The following ZBTB25 variants were observed in gnomAD, a reference collection of about 807,000 sequenced individuals.
ZBTB25 encodes zinc finger and BTB domain containing 25.
A neutral mutation model predicts 34.2 loss-of-function variants in ZBTB25; 20 were observed. The ratio of observed to expected loss-of-function variants is 0.58; its 90% CI spans 0.41 to 0.85. The LOEUF (loss-of-function observed/expected upper bound fraction) is 0.85, where lower values mean the gene tolerates loss of function less well. Among genes scored for constraint, ZBTB25 ranks in the 40% least tolerant of loss-of-function variants. The pLI is 0.00. For missense variants in ZBTB25, 437 were observed against 521.8 expected (o/e 0.84, Z 1.58); for synonymous variants, 175 against 186.4 (o/e 0.94, Z 0.50).
At chr14:64,495,896 G>A (rs1407293120) in intron 1 of ZBTB25, among the ~76,000 whole-genome samples, 4 of 151,506 alleles carry the variant, frequency 2.6e-5, no homozygotes, top group African/African-American at 7.3e-5. Context: ...CAGAGGTTGC[G>A]GTAAGCTGAG....
intron 1 of ZBTB25, among the ~76,000 whole-genome samples, chr14:64,497,279 T>C (rs897468461): frequency 3.9e-5 from 6 of 152,206 alleles, no homozygotes; most frequent in South Asian, 4.1e-4. Flanking sequence ...CCCCATTCCA[T>C]TGAGTTATTA....
At position 64,483,395 on chromosome 14, in the gene ZBTB25, A is replaced by C. The variant is rs2078818207; in HGVS notation, c.*3528T>G. Reference sequence around the variant, plus strand: ...CGGGTTCAAGCTATTCCACTGCCTCAGCCTCTCGAGTAGCTGGGATTACAG... The same window carrying C: ...CGGGTTCAAGCTATTCCACTGCCTCCGCCTCTCGAGTAGCTGGGATTACAG... On this transcript the variant is annotated 3_prime_UTR_variant, in exon 3 of 3. Coordinates refer to ENST00000608382, the MANE Select transcript of ZBTB25 (RefSeq NM_006977.5). 1 of 152,060 alleles carries C rather than the reference A, an allele frequency of 6.6e-6. No individual in the cohort carries two copies. The highest frequency in any genetic ancestry group is 1.5e-5 in the Non-Finnish European group (1 of 68,144). 9.4% of individuals were successfully genotyped at this position (152,060 alleles called of 1,614,324 possible).
intron 2 of ZBTB25, chr14:64,472,385 G>A (rs895511863): frequency 6.0e-6 from 1 of 166,910 alleles, no homozygotes; most frequent in Non-Finnish European, 1.5e-5. Context: ...GCAGTTATTG[G>A]AAATATTTTG....
upstream of ZBTB25, chr14:64,504,456 A>T (rs1337611090): frequency 6.5e-6 from 1 of 154,334 alleles, no homozygotes; most frequent in African/African-American, 2.4e-5. Context: ...CCAGCTGTGC[A>T]AACAGGAGGA....
At chr14:64,453,224 A>T (rs2078405214) in intron 2 of ZBTB25, among the ~76,000 whole-genome samples, 1 of 152,146 alleles carries the variant, frequency 6.6e-6, no homozygotes, top group African/African-American at 2.4e-5. Flanking sequence ...AGATATAAAA[A>T]CTTTACCTCT....
chr14:64,497,188 C>G lies in ZBTB25; in HGVS notation c.-8+6473G>C, dbSNP rs369792512. ...TATTAAAAAAAAAACACCAAGTACACATGAGGTGCATTCAAACTTGTTTTG... is the reference window on the plus strand; with the variant it reads ...TATTAAAAAAAAAACACCAAGTACAGATGAGGTGCATTCAAACTTGTTTTG... On this transcript the variant is annotated intron_variant, in intron 1 of 2. Coordinates refer to ENST00000608382, the MANE Select transcript of ZBTB25 (RefSeq NM_006977.5). Among the ~76,000 whole-genome samples, 128 of 151,972 alleles carry G rather than the reference C, an allele frequency of 8.4e-4. 1 individual carries two copies. In the South Asian group the frequency reaches 0.025, roughly 29 times the overall value.
At chr14:64,455,602 T>C (rs2078458937) in intron 2 of ZBTB25, among the ~76,000 whole-genome samples, 2 of 152,356 alleles carry the variant, frequency 1.3e-5, no homozygotes, top group South Asian at 4.1e-4. Context: ...CTACAGATTG[T>C]ACTGCCATGC....
At position 64,485,493 on chromosome 14, in the gene ZBTB25, G is replaced by A; in HGVS notation, c.*1430C>T. 15 of 985,324 alleles carry A rather than the reference G, an allele frequency of 1.5e-5. No individual in the cohort carries two copies. Among genetic ancestry groups the A allele is most frequent in the Non-Finnish European group, 1.8e-5 (15 of 829,906 alleles). 61.0% of individuals were successfully genotyped at this position (985,324 alleles called of 1,614,324 possible). A position where few individuals can be genotyped will look rare whatever the true frequency, so the allele number is the denominator to read the frequency against. ...CTATTTCCCAGGTATATAGAGCCGG[G>A]GAATCTGTTATTTCTTTCATCAACT... On this transcript the variant is annotated 3_prime_UTR_variant, in exon 3 of 3. Transcript: ENST00000608382.
downstream of ZBTB25, among the ~76,000 whole-genome samples, chr14:64,476,748 C>G (rs373510086): frequency 6.6e-6 from 1 of 150,940 alleles, no homozygotes; most frequent in South Asian, 2.1e-4. Flanking sequence ...AAAAAAAAGT[C>G]AAACTCAGTT....
intron 2 of ZBTB25, among the ~76,000 whole-genome samples, chr14:64,464,938 T>C (rs1195843834): frequency 1.3e-5 from 2 of 152,222 alleles, no homozygotes; most frequent in Non-Finnish European, 2.9e-5. Context: ...TGAAAGCCTG[T>C]TTGGCGATGA....
Position 64,483,986 on chromosome 14 carries a change from AAAC to A in ZBTB25, c.*2934_*2936del, listed in dbSNP as rs1170330449. ...AAAAAAAAGCCTGCAGAATAAATGA[AAAC>A]AACAATAACAAAAACTGGGGGTCAG... is the stretch of plus-strand genomic sequence containing the variant. On this transcript the variant is annotated 3_prime_UTR_variant, in exon 3 of 3. Transcript: ENST00000608382. 2 of 151,376 alleles carry A rather than the reference AAAC, an allele frequency of 1.3e-5. No homozygotes were observed. The highest frequency in any genetic ancestry group is 4.9e-5 in the African/African-American group (2 of 41,224). 9.4% of individuals were successfully genotyped at this position (151,376 alleles called of 1,614,324 possible).
At chr14:64,504,261 C>CG (rs200908965), upstream of ZBTB25, among the ~76,000 whole-genome samples, 24 of 101,252 alleles carry the variant, frequency 2.4e-4, no homozygotes, top group Middle Eastern at 4.3e-3. Flanking sequence ...AAGGTGGGGT[C>CG]GGGGGGGCGC....
chr14:64,480,346 AGAAG>A lies in ZBTB25; in HGVS notation c.*6573_*6576del, dbSNP rs2078770989. On this transcript the variant is annotated 3_prime_UTR_variant, in exon 3 of 3. Coordinates refer to ENST00000608382, the MANE Select transcript of ZBTB25 (RefSeq NM_006977.5). ...TCAAAAAAAAAAAAAAAAAAAAAAA[AGAAG>A]AAGCAAAGCAAGAAACTTCTGGGAA... The A allele has an allele frequency of 2.7e-6, 1 of 368,064 alleles. No homozygotes were observed. Among genetic ancestry groups the A allele is most frequent in the Non-Finnish European group, 5.3e-6 (1 of 190,034 alleles). The allele number at this position is 368,064 out of a possible 1,614,324, so 22.8% of individuals were successfully genotyped here. A position where few individuals can be genotyped will look rare whatever the true frequency, so the allele number is the denominator to read the frequency against.
At chr14:64,463,929 C>A (rs550560509) in intron 2 of ZBTB25, among the ~76,000 whole-genome samples, 9 of 152,246 alleles carry the variant, frequency 5.9e-5, no homozygotes, top group African/African-American at 1.7e-4. Flanking sequence ...TAATGGATTT[C>A]TTTTGGCTTA....
chr14:64,502,676 G>A (rs2140034789), intron 1 of ZBTB25: 1 of 985,552 alleles, frequency 1.0e-6, no homozygotes, highest in South Asian at 4.7e-5. Context: ...ATTCTCTACA[G>A]GTGAGTGGGG....
intron 2 of ZBTB25, among the ~76,000 whole-genome samples, chr14:64,464,566 ATCCT>A (rs1163071941): frequency 1.3e-5 from 2 of 152,210 alleles, no homozygotes; most frequent in African/African-American, 4.8e-5. Flanking sequence ...TAAGGTCGTG[ATCCT>A]GTTGAAGAAA....
rs201124621 is a variant in ZBTB25, at chr14:64,451,152, G to A, written c.174-1514C>T. ...GCACTCTAGCCTGGGCAACAAGTGC[G>A]AAACTTCGTCTCAAAAAAAAAATTT... On this transcript the variant is annotated intron_variant, in intron 2 of 2. Coordinates refer to the ZBTB25 transcript ENST00000555220. Among the ~76,000 whole-genome samples, 9 of 152,032 alleles carry A rather than the reference G, an allele frequency of 5.9e-5. No individual in the cohort carries two copies. The East Asian group carries it at 1.7e-3, about 30-fold the overall frequency.
chr14:64,479,738 T>TG lies in ZBTB25; in HGVS notation c.*7184dup, dbSNP rs1237366084. 2.6e-5 allele frequency: 4 copies of TG among 152,270 alleles called. No individual in the cohort carries two copies. The highest frequency in any genetic ancestry group is 9.6e-5 in the African/African-American group (4 of 41,454). 9.4% of individuals were successfully genotyped at this position (152,270 alleles called of 1,614,324 possible). Reference sequence around the variant, plus strand: ...CTTGAGTTTCAAGCCTGCCAGCTTTTGGACTGGAACTTATGCCATAAGCTC... The same window carrying TG: ...CTTGAGTTTCAAGCCTGCCAGCTTTTGGGACTGGAACTTATGCCATAAGCTC... On this transcript the variant is annotated 3_prime_UTR_variant, in exon 3 of 3. Transcript: ENST00000608382.
chr14:64,473,864 C>T (rs1258401213), downstream of ZBTB25: 3 of 166,772 alleles, frequency 1.8e-5, no homozygotes, highest in Non-Finnish European at 4.4e-5. Context: ...CTCTCTTATA[C>T]ATAATTCAAA....
Sources: gnomAD v4.1 joint callset for allele counts (sites outside exome capture counted in the v4.1 genomes callset) on GRCh38, gnomAD v4.1.1 for gene constraint, MANE v1.5 for transcripts, NCBI Gene and HGNC (gene_info 2026-07-23, HGNC 2026-07-21) for gene names.